KLHL4: variants seen among roughly 807,000 people sequenced by gnomAD.
KLHL4 encodes kelch like family member 4.
Under a neutral mutation model 45.8 loss-of-function variants are expected in KLHL4, and 17 were observed. That is an observed-to-expected ratio of 0.37 (90% CI 0.25 to 0.56). The LOEUF (loss-of-function observed/expected upper bound fraction) is 0.56. Ranked by LOEUF, KLHL4 falls within the 20% of genes least tolerant of loss-of-function variation. The pLI is 0.79. For missense variants in KLHL4, 544 were observed against 544.9 expected (o/e 1.00, Z 0.02); for synonymous variants, 224 against 189.9 (o/e 1.18, Z -1.47).
intron 1 of KLHL4, among the ~76,000 whole-genome samples, chrX:87,587,953 A>T (rs928702297): frequency 2.7e-5 from 3 of 111,810 alleles, no homozygotes; most frequent in Non-Finnish European, 5.7e-5. Flanking sequence ...AATTCAGTAA[A>T]CTTGCAGGAT....
intron 1 of KLHL4, among the ~76,000 whole-genome samples, chrX:87,565,553 C>T (rs954855374): frequency 1.8e-5 from 2 of 109,523 alleles, no homozygotes; most frequent in African/African-American, 6.6e-5. Context: ...CATGGTGAAA[C>T]GCTGTCTCTT....
chrX:87,527,755 C>A (rs1426947572), intron 1 of KLHL4, among the ~76,000 whole-genome samples: 1 of 108,194 alleles, frequency 9.2e-6, no homozygotes, highest in Non-Finnish European at 1.9e-5. Context: ...AAAAGTGACA[C>A]CCTAGGATTC....
At chrX:87,573,248 C>T (rs1270567225) in intron 1 of KLHL4, among the ~76,000 whole-genome samples, 1 of 111,305 alleles carries the variant, frequency 9.0e-6, no homozygotes, top group Non-Finnish European at 1.9e-5. Context: ...CTGGGCCATA[C>T]TCCCAGAGAT....
chrX:87,625,760 G>T lies in KLHL4; in HGVS notation c.1288G>T (p.Ala430Ser), dbSNP rs763501599. The T allele has an allele frequency of 1.2e-5, 15 of 1,206,362 alleles. No individual in the cohort carries two copies. The Admixed American group carries it at 3.1e-4, about 25-fold the overall frequency. ...AAAGCCTAGAAAATCAACTGTGGGG[G>T]CACTTTATGCTGTAGGAGGCATGGA... ...RTKPRKSTVG[A>S]LYAVGGMDAM... Residue 430 changes from alanine to serine, a missense_variant, in exon 6 of 11, where the codon GCA becomes TCA. Coordinates refer to ENST00000373119, the MANE Select transcript of KLHL4 (RefSeq NM_019117.5).
intron 9 of KLHL4, among the ~76,000 whole-genome samples, chrX:87,656,085 G>A (rs1179931493): frequency 7.2e-5 from 8 of 110,485 alleles, no homozygotes; most frequent in Non-Finnish European, 1.5e-4. Context: ...TCCTTTATAG[G>A]TTACTATATG....
At chrX:87,589,197 G>A (rs778335951) in intron 1 of KLHL4, among the ~76,000 whole-genome samples, 63 of 111,698 alleles carry the variant, frequency 5.6e-4, no homozygotes, top group African/African-American at 2.0e-3. Flanking sequence ...ATCCTTGTAC[G>A]CTGTTGGTGG....
At chrX:87,573,713 A>C (rs1356593660) in intron 1 of KLHL4, among the ~76,000 whole-genome samples, 3 of 111,842 alleles carry the variant, frequency 2.7e-5, no homozygotes. Context: ...ACCCAGAGAT[A>C]TTATAAAACT....
chrX:87,524,700 T>G (rs1220271213), intron 1 of KLHL4, among the ~76,000 whole-genome samples: 2 of 111,851 alleles, frequency 1.8e-5, no homozygotes, highest in Non-Finnish European at 3.8e-5. Context: ...TAGTGGAAAC[T>G]GAGGAAATTG....
At chrX:87,554,281 G>A (rs1931912258) in intron 1 of KLHL4, among the ~76,000 whole-genome samples, 1 of 90,190 alleles carries the variant, frequency 1.1e-5, no homozygotes, top group Non-Finnish European at 2.1e-5. Flanking sequence ...TGATGGTGAT[G>A]GCATTGAATC....
intron 1 of KLHL4, among the ~76,000 whole-genome samples, chrX:87,543,514 A>G (rs1254260974): frequency 4.5e-5 from 5 of 111,530 alleles, no homozygotes; most frequent in Admixed American, 9.5e-5. Context: ...AACACCCAGC[A>G]GTGGTAGCAT....
rs749007152 is a variant in KLHL4, at chrX:87,619,946, C to A, written c.924+1818C>A. ...AATAATACTAAACAATTTAGGGATT[C>A]AATTGTAATCATGTGCATTGGTAGA... On this transcript the variant is annotated intron_variant, in intron 4 of 10. Transcript: ENST00000373119. Among the ~76,000 whole-genome samples, 3 of 111,596 alleles carry A rather than the reference C, an allele frequency of 2.7e-5. No homozygotes were observed. In the East Asian group the frequency reaches 8.5e-4, roughly 31 times the overall value.
At chrX:87,650,466 G>A (rs1923775429) in intron 9 of KLHL4, among the ~76,000 whole-genome samples, 2 of 112,016 alleles carry the variant, frequency 1.8e-5, no homozygotes, top group African/African-American at 6.5e-5. Context: ...TCCCTTTATT[G>A]ATGTCTTTCT....
intron 9 of KLHL4, among the ~76,000 whole-genome samples, chrX:87,640,782 G>C (rs1382533565): frequency 9.0e-6 from 1 of 111,390 alleles, no homozygotes; most frequent in East Asian, 2.8e-4. Flanking sequence ...ACTGGAAGAA[G>C]ACAATGATGC....
chrX:87,545,862 T>C (rs750040318), intron 1 of KLHL4, among the ~76,000 whole-genome samples: 2 of 111,226 alleles, frequency 1.8e-5, no homozygotes, highest in South Asian at 3.8e-4. Context: ...GAAGAACTTA[T>C]TGGGAACCGG....
At chrX:87,666,328 T>A (rs1036144079) in intron 10 of KLHL4, 147 bp from the exon 11 acceptor site, 38 of 484,358 alleles carry the variant, frequency 7.8e-5, no homozygotes, top group Non-Finnish European at 1.0e-4. Context: ...CTACACTGTT[T>A]TCTAGGCTGC....
chrX:87,527,804 C>T (rs1931142037), intron 1 of KLHL4, among the ~76,000 whole-genome samples: 1 of 91,705 alleles, frequency 1.1e-5, no homozygotes, highest in Non-Finnish European at 2.1e-5. Flanking sequence ...GAAAGCTACT[C>T]ACAAAATTGG....
intron 9 of KLHL4, among the ~76,000 whole-genome samples, chrX:87,648,307 A>G (rs1224132295): frequency 1.8e-5 from 2 of 111,644 alleles, no homozygotes; most frequent in Non-Finnish European, 1.9e-5. Context: ...AATTTATAGA[A>G]TGGGTAGAAT....
chrX:87,635,582 C>T lies in KLHL4; in HGVS notation c.1732C>T (p.Arg578Cys), dbSNP rs753507160. 8.3e-6 allele frequency: 10 copies of T among 1,208,281 alleles called. No individual in the cohort carries two copies. Among genetic ancestry groups the T allele is most frequent in the South Asian group, 3.5e-5 (2 of 56,762 alleles). ...LNNKLYAIGG[R>C]DGSSCLKSME... is the part of the protein sequence containing the mutation. ...ATCTAGATTATATGCTATTGGTGGA[C>T]GTGATGGAAGTTCCTGCCTCAAATC... The change falls in exon 9 of 11, where the codon CGT becomes TGT. Residue 578 changes from arginine to cysteine, a missense_variant. Arg to Cys is a radical substitution (Grantham distance 180). Coordinates refer to ENST00000373119, the MANE Select transcript of KLHL4 (RefSeq NM_019117.5).
chrX:87,531,213 G>T (rs1327659732), intron 1 of KLHL4, among the ~76,000 whole-genome samples: 1 of 110,051 alleles, frequency 9.1e-6, no homozygotes, highest in Non-Finnish European at 1.9e-5. Context: ...CCATTTTGTA[G>T]GTTGCCTGTT....
Sources: gnomAD v4.1 joint callset for allele counts (sites outside exome capture counted in the v4.1 genomes callset) on GRCh38, gnomAD v4.1.1 for gene constraint, MANE v1.5 for transcripts, NCBI Gene and HGNC (gene_info 2026-07-23, HGNC 2026-07-21) for gene names.